Variants in C4orf51 observed in about 807,000 individuals in gnomAD.
C4orf51 encodes chromosome 4 open reading frame 51.
C4orf51 carries 25 observed loss-of-function variants against 25.2 expected under a neutral mutation model. That is an observed-to-expected ratio of 0.99 (90% CI 0.72 to 1.39). C4orf51 has a LOEUF of 1.39. Among genes scored for constraint, C4orf51 ranks in the 40% most tolerant of loss-of-function variants. The pLI is 0.00. For missense variants in C4orf51, 252 were observed against 239.6 expected, an observed-to-expected ratio of 1.05 and a Z score of -0.34; for synonymous variants, 100 against 84.5, an observed-to-expected ratio of 1.18 and a Z score of -1.01.
At chr4:145,782,068 A>T in the C4orf51 span, among the ~76,000 whole-genome samples, 1 of 152,232 alleles carries the variant, frequency 6.6e-6, no homozygotes, top group Non-Finnish European at 1.5e-5. Context: ...GCAGTGAGGC[A>T]GGCAGTTGTC....
Position 145,761,079 on chromosome 4 carries a change from C to T in C4orf51, n.167-9909C>T. The T allele has an allele frequency of 7.8e-7, 1 of 1,289,504 alleles. No homozygotes were observed. The highest frequency in any genetic ancestry group is 1.2e-5 in the South Asian group (1 of 81,002). The allele number at this position is 1,289,504 out of a possible 1,614,324, so 79.9% of individuals were successfully genotyped here. ...GAGCCTGGGAGGCAGACATAACTGA[C>T]AGGGGAGACAGGAGATTCCGGGAGC... is the stretch of plus-strand genomic sequence containing the variant. On this transcript the variant is annotated intron_variant and non_coding_transcript_variant, in intron 1 of 1. Coordinates refer to the C4orf51 transcript ENST00000510096. The surrounding 1 kb of genome is among the most constrained non-coding windows in gnomAD (Gnocchi z 6.8).
At position 145,729,773 on chromosome 4, in the gene C4orf51, T is replaced by G. The variant is rs914885401; in HGVS notation, c.428-119T>G. On this transcript the variant is annotated intron_variant, in intron 4 of 5. Coordinates refer to ENST00000438731, the MANE Select transcript of C4orf51 (RefSeq NM_001080531.3). ...ATGCTGGTGGCAGAGGAGGGGGCTG[T>G]GTATGTGAAGGTTTGGATCTATTGA... 3 of 751,662 alleles carry G rather than the reference T, an allele frequency of 4.0e-6. No individual in the cohort carries two copies. In the Admixed American group the frequency reaches 6.3e-5, roughly 16 times the overall value. The allele number at this position is 751,662 out of a possible 1,614,324, so 46.6% of individuals were successfully genotyped here.
chr4:145,722,493 G>C (rs896361632), intron 2 of C4orf51, among the ~76,000 whole-genome samples: 8 of 152,132 alleles, frequency 5.3e-5, no homozygotes, highest in African/African-American at 1.9e-4. Context: ...AGAATAATTT[G>C]TATCTAATAT....
At chr4:145,741,614 G>A (rs2126794215) in intron 1 of C4orf51, among the ~76,000 whole-genome samples, 1 of 152,348 alleles carries the variant, frequency 6.6e-6, no homozygotes, top group Admixed American at 6.5e-5. Flanking sequence ...GTGGGAAAAG[G>A]TTAGATTTCC....
At chr4:145,773,926 G>A (rs966451479), downstream of C4orf51, among the ~76,000 whole-genome samples, 1 of 152,136 alleles carries the variant, frequency 6.6e-6, no homozygotes, top group African/African-American at 2.4e-5. Flanking sequence ...AGTGTTTCTC[G>A]GGGCTGTCAG....
downstream of C4orf51, chr4:145,774,683 G>A (rs1736777796): frequency 6.2e-7 from 1 of 1,610,480 alleles, no homozygotes; most frequent in South Asian, 1.1e-5. Flanking sequence ...CTACATGAAA[G>A]GGTAAAAGAA....
the C4orf51 span, chr4:145,779,236 C>A: frequency 8.6e-7 from 1 of 1,166,512 alleles, no homozygotes; most frequent in South Asian, 1.8e-5. Flanking sequence ...TTTAAACATG[C>A]CAGAGAAAAT....
At chr4:145,696,675 AG>A in intron 2 of C4orf51, 43 bp downstream of exon 2, 1 of 1,433,884 alleles carries the variant, frequency 7.0e-7, no homozygotes, top group Non-Finnish European at 9.6e-7. Context: ...CCCTTTTGCC[AG>A]GGTTGCTGTG....
intron 2 of C4orf51, among the ~76,000 whole-genome samples, chr4:145,714,581 G>A (rs1156235533): frequency 6.6e-6 from 1 of 152,144 alleles, no homozygotes; most frequent in Admixed American, 6.5e-5. Context: ...AGTTGTCTGT[G>A]TTCTCTTCGT....
At chr4:145,684,128 C>T (rs1283983991) in intron 1 of C4orf51, among the ~76,000 whole-genome samples, 1 of 151,944 alleles carries the variant, frequency 6.6e-6, no homozygotes, top group African/African-American at 2.4e-5. Context: ...TAAAAATGGG[C>T]CAAAGACTTT....
At chr4:145,749,990 C>G (rs1733585683) in intron 1 of C4orf51, among the ~76,000 whole-genome samples, 1 of 152,146 alleles carries the variant, frequency 6.6e-6, no homozygotes, top group Non-Finnish European at 1.5e-5. Flanking sequence ...AAAAATCAAA[C>G]AAGCAAACAG....
chr4:145,787,331 C>T, the C4orf51 span, among the ~76,000 whole-genome samples: 14 of 152,044 alleles, frequency 9.2e-5, no homozygotes, highest in Middle Eastern at 3.4e-3. Flanking sequence ...AGCGTGGTGG[C>T]GCGCGCCTGT....
intron 1 of C4orf51, among the ~76,000 whole-genome samples, chr4:145,742,275 TTC>T (rs1197198858): frequency 6.6e-6 from 1 of 152,300 alleles, no homozygotes; most frequent in East Asian, 1.9e-4. Context: ...TGTCTCTGGC[TTC>T]TCTGTTTCTT....
downstream of C4orf51, among the ~76,000 whole-genome samples, chr4:145,734,531 G>A (rs563942644): frequency 4.6e-5 from 7 of 152,176 alleles, no homozygotes; most frequent in Admixed American, 3.3e-4. Context: ...CTCAGCCGCA[G>A]TCCCATCTCT....
chr4:145,726,207 A>G (rs576436780), intron 2 of C4orf51, among the ~76,000 whole-genome samples: 1 of 152,186 alleles, frequency 6.6e-6, no homozygotes, highest in Non-Finnish European at 1.5e-5. Context: ...AATTGCATCT[A>G]TTTCTGGAGA....
intron 1 of C4orf51, among the ~76,000 whole-genome samples, chr4:145,687,287 C>T (rs541237690): frequency 1.3e-5 from 2 of 152,234 alleles, no homozygotes; most frequent in Admixed American, 1.3e-4. Context: ...TTCAAGTTGT[C>T]CTGCCTTTCC....
intron 1 of C4orf51, among the ~76,000 whole-genome samples, chr4:145,746,828 G>C (rs1733395431): frequency 6.6e-6 from 1 of 151,810 alleles, no homozygotes; most frequent in Non-Finnish European, 1.5e-5. Context: ...TAACAATATT[G>C]ATTCTTGCAA....
At chr4:145,723,378 G>A (rs568600583) in intron 2 of C4orf51, among the ~76,000 whole-genome samples, 1 of 152,028 alleles carries the variant, frequency 6.6e-6, no homozygotes, top group Non-Finnish European at 1.5e-5. Context: ...CATTTCTAAT[G>A]ACAGGCAGGT....
rs185762161 is a variant in C4orf51 at position 145,732,440 on chromosome 4, C to T, written c.502-13C>T. 437 of 1,585,108 alleles carry T rather than the reference C, an allele frequency of 2.8e-4. 1 individual carries two copies. The East Asian group carries it at 5.0e-3, about 18-fold the overall frequency. ...GATGAGCGAGTGTTGACAACCAGGC[C>T]ATTTTTCTCCAGCTTCATGGACGGT... On this transcript the variant is annotated splice_polypyrimidine_tract_variant and intron_variant, in intron 5 of 5. Coordinates refer to ENST00000438731, the MANE Select transcript of C4orf51 (RefSeq NM_001080531.3).
Sources: gnomAD v4.1 joint callset for allele counts (sites outside exome capture counted in the v4.1 genomes callset) on GRCh38, gnomAD v4.1.1 for gene constraint, Gnocchi (gnomAD v3.1) non-coding constraint, MANE v1.5 for transcripts, NCBI Gene and HGNC (gene_info 2026-07-23, HGNC 2026-07-21) for gene names.